The following CDH13 variants were observed in gnomAD, a reference collection of about 807,000 sequenced individuals.
CDH13 encodes cadherin 13.
CDH13 carries 24 observed loss-of-function variants against 63.8 expected under a neutral mutation model. The observed-to-expected ratio is 0.38, with a 90% CI of 0.27 to 0.53. CDH13 has a LOEUF of 0.53. Ranked by LOEUF, CDH13 falls within the 20% of genes least tolerant of loss-of-function variation. The probability of loss-of-function intolerance (pLI) is 0.85; values close to 1 mark genes in which losing one functional copy is unlikely to be tolerated. For missense variants in CDH13, 1,049 were observed against 903.1 expected (o/e 1.16, Z -2.07); for synonymous variants, 503 against 355.3 (o/e 1.42, Z -4.67).
At chr16:83,080,885 T>TTG (rs1567810654) in intron 3 of CDH13, among the ~76,000 whole-genome samples, 8 of 120,464 alleles carry the variant, frequency 6.6e-5, no homozygotes, top group South Asian at 6.1e-4. Context: ...TTTTTTTTTT[T>TTG]TTTTTTTTTT....
At chr16:83,262,722 T>C (rs1473691806) in intron 5 of CDH13, among the ~76,000 whole-genome samples, 1 of 152,176 alleles carries the variant, frequency 6.6e-6, no homozygotes, top group Non-Finnish European at 1.5e-5. Flanking sequence ...ATTCATGAGA[T>C]GGGTTATAAT....
chr16:83,087,893 A>C lies in CDH13; in HGVS notation c.367-37492A>C, dbSNP rs114430786. Among the ~76,000 whole-genome samples the C allele has an allele frequency of 4.4e-3, 669 of 152,208 alleles. 3 individuals carry two copies. The highest frequency in any genetic ancestry group is 0.016 in the African/African-American group (645 of 41,524). On this transcript the variant is annotated intron_variant, in intron 3 of 13. Coordinates refer to ENST00000567109, the MANE Select transcript of CDH13 (RefSeq NM_001257.5). ...GCAAGATGGTTTCATAGGTAGTAATAAGAGCAGCAAGAGAAGAAAATAGTG... is the reference window on the plus strand; with the variant it reads ...GCAAGATGGTTTCATAGGTAGTAATCAGAGCAGCAAGAGAAGAAAATAGTG...
At chr16:83,388,153 T>C (rs547097348) in intron 6 of CDH13, among the ~76,000 whole-genome samples, 14 of 151,972 alleles carry the variant, frequency 9.2e-5, no homozygotes, top group Non-Finnish European at 1.3e-4. Flanking sequence ...TTTTATAATA[T>C]TTAAGAATCA....
At chr16:83,364,597 C>T (rs2091224134) in intron 6 of CDH13, among the ~76,000 whole-genome samples, 1 of 152,100 alleles carries the variant, frequency 6.6e-6, no homozygotes, top group Non-Finnish European at 1.5e-5. Context: ...TTACCATTGG[C>T]CCAGAGGAAA....
At chr16:83,513,273 C>T (rs1238020988) in intron 7 of CDH13, among the ~76,000 whole-genome samples, 1 of 152,062 alleles carries the variant, frequency 6.6e-6, no homozygotes, top group Non-Finnish European at 1.5e-5. Flanking sequence ...CTGACTCAGC[C>T]CCTGACCACA....
chr16:82,849,395 G>A (rs556559094), intron 1 of CDH13, among the ~76,000 whole-genome samples: 19 of 152,204 alleles, frequency 1.2e-4, no homozygotes, highest in African/African-American at 2.6e-4. Context: ...CCAGCTACTC[G>A]GGAGGCCAAG....
At chr16:82,795,203 G>A (rs1012476412) in intron 1 of CDH13, among the ~76,000 whole-genome samples, 3 of 152,188 alleles carry the variant, frequency 2.0e-5, no homozygotes, top group Non-Finnish European at 4.4e-5. Flanking sequence ...TCTAGTCATG[G>A]ACAATTGTCC....
intron 2 of CDH13, among the ~76,000 whole-genome samples, chr16:82,983,216 C>T (rs1398702647): frequency 6.6e-6 from 1 of 152,188 alleles, no homozygotes; most frequent in African/African-American, 2.4e-5. Context: ...TCTTAGACTG[C>T]AGAGAAGTCC....
At chr16:83,494,525 C>G (rs2074091933) in intron 7 of CDH13, among the ~76,000 whole-genome samples, 1 of 152,136 alleles carries the variant, frequency 6.6e-6, no homozygotes, top group Non-Finnish European at 1.5e-5. Context: ...AAATGTTGCT[C>G]CTGCCATATG....
rs141099133 is a variant in CDH13, at chr16:83,664,779, A to C, written c.1102-6011A>C. On this transcript the variant is annotated intron_variant, in intron 8 of 13. Transcript: ENST00000567109. ...TTAAATCATGTCAAAACATAAAAGCATCCATAATTGGCCACAGGTACAGCC... is the reference window on the plus strand; with the variant it reads ...TTAAATCATGTCAAAACATAAAAGCCTCCATAATTGGCCACAGGTACAGCC... Among the ~76,000 whole-genome samples, 506 of 152,312 alleles carry C rather than the reference A, an allele frequency of 3.3e-3. 7 individuals are homozygous for C. The highest frequency in any genetic ancestry group is 0.012 in the African/African-American group (487 of 41,556).
chr16:83,189,515 A>G (rs921691121), intron 4 of CDH13, among the ~76,000 whole-genome samples: 3 of 152,204 alleles, frequency 2.0e-5, no homozygotes, highest in Non-Finnish European at 4.4e-5. Flanking sequence ...TGTGACAGAT[A>G]CACGTTCACA....
intron 10 of CDH13, among the ~76,000 whole-genome samples, chr16:83,743,052 G>C (rs913661546): frequency 2.6e-5 from 4 of 152,150 alleles, no homozygotes; most frequent in Admixed American, 2.6e-4. Context: ...ACTAAAAATA[G>C]AAAATTTAGC....
chr16:83,113,240 G>T (rs1008640757), intron 3 of CDH13, among the ~76,000 whole-genome samples: 6 of 152,166 alleles, frequency 3.9e-5, no homozygotes, highest in South Asian at 2.1e-4. Flanking sequence ...ACTGAGAGTG[G>T]CAGCTTTACT....
At position 82,766,764 on chromosome 16, in the gene CDH13, G is replaced by A. The variant is rs183171125; in HGVS notation, c.46-91598G>A. Reference sequence around the variant, plus strand: ...AATTGCTTTCTTCTCAGCATTCCTCGGTGCAAAATATGAGATGTCCTTTGA... The same window carrying A: ...AATTGCTTTCTTCTCAGCATTCCTCAGTGCAAAATATGAGATGTCCTTTGA... On this transcript the variant is annotated intron_variant, in intron 1 of 13. Transcript: ENST00000567109. Among the ~76,000 whole-genome samples the A allele has an allele frequency of 4.3e-4, 65 of 151,754 alleles. 1 individual carries two copies. Among genetic ancestry groups the A allele is most frequent in the Non-Finnish European group, 2.4e-4 (16 of 67,968 alleles).
chr16:82,641,290 CT>C (rs1409700307), intron 1 of CDH13, among the ~76,000 whole-genome samples: 1 of 152,158 alleles, frequency 6.6e-6, no homozygotes, highest in Non-Finnish European at 1.5e-5. Flanking sequence ...GCAGTCATGA[CT>C]TTGGAAGCAT....
chr16:82,992,050 T>C (rs932942161), intron 2 of CDH13, among the ~76,000 whole-genome samples: 2 of 152,068 alleles, frequency 1.3e-5, no homozygotes, highest in Admixed American at 6.6e-5. Context: ...GAAAGGAGCA[T>C]TGAGGAAGAA....
rs533266348 is a variant in CDH13 at position 82,908,103 on chromosome 16, A to T, written c.157+49630A>T. Among the ~76,000 whole-genome samples, 14 of 152,174 alleles carry T rather than the reference A, an allele frequency of 9.2e-5. No individual in the cohort carries two copies. In the East Asian group the frequency reaches 2.5e-3, roughly 27 times the overall value. On this transcript the variant is annotated intron_variant, in intron 2 of 13. Coordinates refer to ENST00000567109, the MANE Select transcript of CDH13 (RefSeq NM_001257.5). ...TATTTTATTGGACCACACTATCCTT[A>T]ACCTAGAGAAGAAGCTTGAGGAAAG...
intron 2 of CDH13, among the ~76,000 whole-genome samples, chr16:82,991,172 T>A (rs979381861): frequency 1.3e-5 from 2 of 152,194 alleles, no homozygotes; most frequent in African/African-American, 4.8e-5. Context: ...CCTGGAAAAC[T>A]ATTTCAAACT....
chr16:82,790,287 T>C (rs1383663633), intron 1 of CDH13, among the ~76,000 whole-genome samples: 1 of 151,882 alleles, frequency 6.6e-6, no homozygotes, highest in East Asian at 1.9e-4. Flanking sequence ...ACACAAAAAT[T>C]AGCTGGGCAT....
Sources: gnomAD v4.1 joint callset for allele counts (sites outside exome capture counted in the v4.1 genomes callset) on GRCh38, gnomAD v4.1.1 for gene constraint, MANE v1.5 for transcripts, NCBI Gene and HGNC (gene_info 2026-07-23, HGNC 2026-07-21) for gene names.